The following HID1 variants were observed in gnomAD, a reference collection of about 807,000 sequenced individuals.
The protein encoded by HID1 is protein HID1.
A neutral mutation model predicts 89.7 loss-of-function variants in HID1; 42 were observed. That is an observed-to-expected ratio of 0.47 (90% CI 0.37 to 0.61). The LOEUF (loss-of-function observed/expected upper bound fraction) is 0.61. Among genes scored for constraint, HID1 ranks in the 20% least tolerant of loss-of-function variants. The pLI, the probability that HID1 is intolerant of heterozygous loss-of-function variation, is 0.00. For missense variants in HID1, 854 were observed against 1,039.3 expected, an observed-to-expected ratio of 0.82 and a Z score of 2.45; for synonymous variants, 442 against 433.8, an observed-to-expected ratio of 1.02 and a Z score of -0.24.
Position 74,958,885 on chromosome 17 carries a change from T to C in HID1, c.1149+26A>G. ...TTGGGGCAGCTGCTCTCCATCTCCC[T>C]GCAGGGCCCCTCGAGGCTGGCCCAC... On this transcript the variant is annotated intron_variant, in intron 9 of 18. Transcript: ENST00000425042. This position sits in a 1 kb window ranked among gnomAD's most constrained non-coding sequence, Gnocchi z 5.2. 1 of 1,585,386 alleles carries C rather than the reference T, an allele frequency of 6.3e-7. No individual in the cohort carries two copies.
At chr17:74,963,959 A>T in intron 2 of HID1, 49 bp from the exon 3 acceptor site, 1 of 1,603,402 alleles carries the variant, frequency 6.2e-7, no homozygotes, top group Non-Finnish European at 8.5e-7. Flanking sequence ...TGGGGAAAGG[A>T]CCCTGGCACT....
Position 74,972,569 on chromosome 17 carries a change from C to T in HID1, c.66+22G>A. Reference sequence around the variant, plus strand: ...CCCCAGCCCGGCAGGTGGATGGGGACGCCGGGGCCCCCGTGGCGCACCTGC... The same window carrying T: ...CCCCAGCCCGGCAGGTGGATGGGGATGCCGGGGCCCCCGTGGCGCACCTGC... On this transcript the variant is annotated intron_variant, in intron 1 of 18. Coordinates refer to ENST00000425042, the MANE Select transcript of HID1 (RefSeq NM_030630.3). This position sits in a 1 kb window ranked among gnomAD's most constrained non-coding sequence, Gnocchi z 6.4. 6.5e-7 allele frequency: 1 copy of T among 1,542,266 alleles called. No homozygotes were observed. The highest frequency in any genetic ancestry group is 8.8e-7 in the Non-Finnish European group (1 of 1,142,344).
Position 74,972,552 on chromosome 17 carries a change from C to T in HID1, c.66+39G>A. On this transcript the variant is annotated intron_variant, in intron 1 of 18. Transcript: ENST00000425042. This position sits in a 1 kb window ranked among gnomAD's most constrained non-coding sequence, Gnocchi z 6.4. ...CCCCGGCCCTGCCCAGCCCCCAGCC[C>T]GGCAGGTGGATGGGGACGCCGGGGC... is the stretch of plus-strand genomic sequence containing the variant. 2 of 1,524,192 alleles carry T rather than the reference C, an allele frequency of 1.3e-6. No individual in the cohort carries two copies. Among genetic ancestry groups the T allele is most frequent in the Non-Finnish European group, 1.8e-6 (2 of 1,127,058 alleles). 94.4% of individuals were successfully genotyped at this position (1,524,192 alleles called of 1,614,324 possible). A position where few individuals can be genotyped will look rare whatever the true frequency, so the allele number is the denominator to read the frequency against.
intron 12 of HID1, among the ~76,000 whole-genome samples, chr17:74,957,221 C>T (rs947776176): frequency 7.2e-5 from 11 of 151,974 alleles, no homozygotes; most frequent in African/African-American, 2.7e-4. Flanking sequence ...CACCTGTAAC[C>T]CCAGCGCTTT....
Position 74,972,513 on chromosome 17 carries a change from C to G in HID1, c.66+78G>C. On this transcript the variant is annotated intron_variant, in intron 1 of 18. Transcript: ENST00000425042. This position sits in a 1 kb window ranked among gnomAD's most constrained non-coding sequence, Gnocchi z 6.4. ...GCCCGTCCCCCCATCTCCCGACGAGCCAAGTTCGCGTACCCCCGGCCCTGC... is the reference window on the plus strand; with the variant it reads ...GCCCGTCCCCCCATCTCCCGACGAGGCAAGTTCGCGTACCCCCGGCCCTGC... 1 of 1,359,602 alleles carries G rather than the reference C, an allele frequency of 7.4e-7. No homozygotes were observed. The highest frequency in any genetic ancestry group is 1.5e-5 in the African/African-American group (1 of 67,656). The allele number at this position is 1,359,602 out of a possible 1,614,324, so 84.2% of individuals were successfully genotyped here.
In HID1 at chr17:74,958,403, A is replaced by G. The variant is rs769695724; in HGVS notation, c.1316T>C (p.Leu439Pro). Residue 439 changes from leucine (L) to proline (P), a missense_variant, in exon 11 of 19, where the codon CTG becomes CCG. Transcript: ENST00000425042. The surrounding 1 kb of genome is among the most constrained non-coding windows in gnomAD (Gnocchi z 5.2). ...LSGERNFGVRLNKPYSIRVPM... is the reference protein window; with the variant it reads ...LSGERNFGVRPNKPYSIRVPM... ...CACGCGGATTGAGTAGGGTTTGTTC[A>G]GCCGCACCCCGAAGTTCCGCTCCCC... 6.2e-7 allele frequency: 1 copy of G among 1,610,124 alleles called. No individual in the cohort carries two copies. Among genetic ancestry groups the G allele is most frequent in the South Asian group, 1.1e-5 (1 of 90,290 alleles).
chr17:74,954,021 T>C, intron 14 of HID1, 117 bp downstream of exon 14: 1 of 1,002,222 alleles, frequency 1.0e-6, no homozygotes, highest in Non-Finnish European at 1.5e-6. Flanking sequence ...CCCCATCCCC[T>C]CGGCTTCCAT....
rs758025775 is a variant in HID1 at position 74,964,547 on chromosome 17, G to C, written c.152C>G (p.Pro51Arg). 1 of 1,610,440 alleles carries C rather than the reference G, an allele frequency of 6.2e-7. No individual in the cohort carries two copies. The highest frequency in any genetic ancestry group is 8.5e-7 in the Non-Finnish European group (1 of 1,178,620). Residue 51 changes from proline to arginine, a missense_variant, in exon 2 of 19, where the codon CCG becomes CGG. Transcript: ENST00000425042. Reference sequence around the variant, plus strand: ...CCGCACGGCCCGGATCTCTGCTGCCGGCACCAGTGCAAACACATCCTGCAC... The same window carrying C: ...CCGCACGGCCCGGATCTCTGCTGCCCGCACCAGTGCAAACACATCCTGCAC... ...TSVQDVFALV[P>R]AAEIRAVREE...
At chr17:74,967,937 CA>C (rs201112984) in intron 1 of HID1, 55 of 132,544 alleles carry the variant, frequency 4.1e-4, no homozygotes, top group East Asian at 1.7e-3. Context: ...ACTATCTCTA[CA>C]AAAAAAAAAA....
At chr17:74,965,279 G>A (rs117901608) in intron 1 of HID1, among the ~76,000 whole-genome samples, 14 of 152,152 alleles carry the variant, frequency 9.2e-5, no homozygotes, top group Non-Finnish European at 1.8e-4. Context: ...TGCTGCCAAC[G>A]CATGCACCGA....
At position 74,953,592 on chromosome 17, in the gene HID1, C is replaced by G; in HGVS notation, c.1924G>C (p.Glu642Gln). 1.2e-6 allele frequency: 2 copies of G among 1,614,116 alleles called. No homozygotes were observed. The highest frequency in any genetic ancestry group is 1.7e-6 in the Non-Finnish European group (2 of 1,179,978). The change falls in exon 15 of 19, where the codon GAA (glutamate) becomes CAA (glutamine). Residue 642 changes from glutamate (E) to glutamine (Q), a missense_variant. By Grantham distance (29) the Glu-to-Gln change is conservative. Coordinates refer to ENST00000425042, the MANE Select transcript of HID1 (RefSeq NM_030630.3). ...VSEDGTLRSL[E>Q]PEPQQSLEDG... Reference sequence around the variant, plus strand: ...TCCAAGCTCTGCTGGGGCTCAGGTTCCAGGGACCGCAAGGTGCCATCCTCT... The same window carrying G: ...TCCAAGCTCTGCTGGGGCTCAGGTTGCAGGGACCGCAAGGTGCCATCCTCT...
In HID1 at chr17:74,962,250, T is replaced by C. The variant is rs775149074; in HGVS notation, c.595A>G (p.Ile199Val). 1.6e-5 allele frequency: 26 copies of C among 1,608,994 alleles called. No homozygotes were observed. The highest frequency in any genetic ancestry group is 2.2e-5 in the Non-Finnish European group (26 of 1,176,138). The stretch of plus-strand genomic sequence containing the variant: ...GAAGCTCACCGGTTCATATCGTGGA[T>C]GTAGTTAGGCTGGGGGGAGTGAGCG... ...GFAHSPQPNY[I>V]HDMNRMELLK... The change falls in exon 5 of 19, where the codon ATC becomes GTC. Residue 199 changes from isoleucine (I) to valine (V), a missense_variant. Ile to Val is a conservative substitution (Grantham distance 29). Transcript: ENST00000425042. This position sits in a 1 kb window ranked among gnomAD's most constrained non-coding sequence, Gnocchi z 4.3.
intron 12 of HID1, among the ~76,000 whole-genome samples, chr17:74,956,367 A>C (rs1179337983): frequency 6.6e-6 from 1 of 152,198 alleles, no homozygotes; most frequent in East Asian, 1.9e-4. Flanking sequence ...TCAAGACTTT[A>C]AATCTTTCTA....
At chr17:74,961,742 T>G (rs73365005) in intron 6 of HID1, 131 bp downstream of exon 6, 6,708 of 449,362 alleles carry the variant, frequency 0.015, 122 homozygotes, top group African/African-American at 0.076. Context: ...GTGTGGCTGG[T>G]AAGTTAAAGT....
rs754400032 is a variant in HID1, at chr17:74,961,878, C to T, written c.723G>A (p.Glu241=). ...NPWVQFFCST[E]NRHALPLFTS... Reference sequence around the variant, plus strand: ...AAAGGCCAAGGGCCCTTCACCTGTTCTCCGTGGAACAAAAGAACTGAACCC... The same window carrying T: ...AAAGGCCAAGGGCCCTTCACCTGTTTTCCGTGGAACAAAAGAACTGAACCC... Residue 241 remains glutamate, a synonymous_variant, in exon 6 of 19, where the codon GAG becomes GAA. Coordinates refer to ENST00000425042, the MANE Select transcript of HID1 (RefSeq NM_030630.3). 3.8e-6 allele frequency: 6 copies of T among 1,565,454 alleles called. No individual in the cohort carries two copies. The highest frequency in any genetic ancestry group is 5.2e-6 in the Non-Finnish European group (6 of 1,154,108).
At chr17:74,970,346 C>T (rs1186111748) in intron 1 of HID1, among the ~76,000 whole-genome samples, 4 of 152,212 alleles carry the variant, frequency 2.6e-5, no homozygotes, top group African/African-American at 9.7e-5. Flanking sequence ...AGTCCTCAAG[C>T]CTGCTAAGCC....
rs146255940 is a variant in HID1 at position 74,956,234 on chromosome 17, C to T, written c.1472-278G>A. Among the ~76,000 whole-genome samples, 72 of 152,206 alleles carry T rather than the reference C, an allele frequency of 4.7e-4. No individual in the cohort carries two copies. The East Asian group carries it at 0.011, about 24-fold the overall frequency. Reference sequence around the variant, plus strand: ...ACCCATGCCAGTCCCCCCCATACCACGAGGGAGGCAGGACACAGACAAGAT... The same window carrying T: ...ACCCATGCCAGTCCCCCCCATACCATGAGGGAGGCAGGACACAGACAAGAT... On this transcript the variant is annotated intron_variant, in intron 12 of 18. Coordinates refer to ENST00000425042, the MANE Select transcript of HID1 (RefSeq NM_030630.3).
rs1213919850 is a variant in HID1 at position 74,964,556 on chromosome 17, G to A, written c.143C>T (p.Ala48Val). The A allele has an allele frequency of 6.8e-6, 11 of 1,611,182 alleles. No homozygotes were observed. The highest frequency in any genetic ancestry group is 9.3e-6 in the Non-Finnish European group (11 of 1,178,990). The change falls in exon 2 of 19, where the codon GCA becomes GTA. Residue 48 changes from alanine (A) to valine (V), a missense_variant. Coordinates refer to ENST00000425042, the MANE Select transcript of HID1 (RefSeq NM_030630.3). ...DTATSVQDVF[A>V]LVPAAEIRAV... ...CCGGATCTCTGCTGCCGGCACCAGT[G>A]CAAACACATCCTGCACCGAGGTGGC...
At chr17:74,966,283 CAAAAAAAA>C (rs34312915) in intron 1 of HID1, among the ~76,000 whole-genome samples, 1 of 70,940 alleles carries the variant, frequency 1.4e-5, no homozygotes, top group African/African-American at 5.3e-5. Context: ...GACTCTGTCT[CAAAAAAAA>C]AAAAAAAAAA....
Sources: allele counts gnomAD v4.1 joint callset (sites outside exome capture counted in the v4.1 genomes callset), GRCh38; gene constraint gnomAD v4.1.1; non-coding constraint Gnocchi (gnomAD v3.1); transcripts MANE v1.5; gene names NCBI Gene and HGNC (gene_info 2026-07-23, HGNC 2026-07-21).